Variants in CELF2 observed in about 807,000 individuals in gnomAD.
CELF2 encodes CUG triplet repeat RNA-binding protein 2.
In CELF2, 8 loss-of-function variants were observed where a neutral mutation model predicts 62.6. The ratio of observed to expected loss-of-function variants is 0.13; its 90% confidence interval spans 0.07 to 0.23. The LOEUF (loss-of-function observed/expected upper bound fraction) is 0.23, where lower values mean the gene tolerates loss of function less well. Among genes scored for constraint, CELF2 ranks in the 10% least tolerant of loss-of-function variants. The pLI is 1.00. For missense variants in CELF2, 333 were observed against 671.0 expected (o/e 0.50, Z 5.56); for synonymous variants, 258 against 250.0 (o/e 1.03, Z -0.30).
chr10:10,612,712 T>C, the CELF2 span, among the ~76,000 whole-genome samples: 1 of 152,196 alleles, frequency 6.6e-6, no homozygotes, highest in African/African-American at 2.4e-5. Context: ...CTTTGCTGTA[T>C]TCCTTCGGGA....
chr10:11,085,405 C>T (rs1233780812), intron 1 of CELF2, among the ~76,000 whole-genome samples: 6 of 152,078 alleles, frequency 3.9e-5, no homozygotes, highest in Non-Finnish European at 8.8e-5. Context: ...GATTTGAGCC[C>T]GTGTATTAGA....
chr10:11,251,161 A>AGTTCAG (rs1489921491), intron 4 of CELF2, among the ~76,000 whole-genome samples: 1 of 152,134 alleles, frequency 6.6e-6, no homozygotes. Flanking sequence ...AGTCTATGGA[A>AGTTCAG]AAGGGTTTGT....
chr10:10,490,813 A>G, the CELF2 span, among the ~76,000 whole-genome samples: 1 of 152,136 alleles, frequency 6.6e-6, no homozygotes, highest in Non-Finnish European at 1.5e-5. Context: ...AAAAAGGTTG[A>G]CCCAAATTGC....
intron 1 of CELF2, among the ~76,000 whole-genome samples, chr10:10,860,042 T>A (rs1396280455): frequency 2.6e-5 from 4 of 152,178 alleles, no homozygotes; most frequent in African/African-American, 4.8e-5. Context: ...CCATTACATG[T>A]TAAGGTATCT....
chr10:10,513,400 C>G, the CELF2 span, among the ~76,000 whole-genome samples: 4 of 152,084 alleles, frequency 2.6e-5, no homozygotes, highest in Non-Finnish European at 5.9e-5. Context: ...AGATTTCCTT[C>G]TTTGATTTTC....
At chr10:10,632,443 A>G in the CELF2 span, among the ~76,000 whole-genome samples, 1 of 151,236 alleles carries the variant, frequency 6.6e-6, no homozygotes, top group Non-Finnish European at 1.5e-5. Context: ...AGACACACGC[A>G]CACACACACA....
the CELF2 span, among the ~76,000 whole-genome samples, chr10:10,665,045 A>G: frequency 6.6e-6 from 1 of 152,304 alleles, no homozygotes; most frequent in Non-Finnish European, 1.5e-5. Context: ...TTAATCATGT[A>G]GTGTTGCCTT....
chr10:10,475,222 T>C, the CELF2 span, among the ~76,000 whole-genome samples: 2 of 152,032 alleles, frequency 1.3e-5, no homozygotes, highest in African/African-American at 4.8e-5. Context: ...AGGGCAGTTA[T>C]TACATCCTCG....
At chr10:11,049,825 C>A (rs373076448) in intron 1 of CELF2, among the ~76,000 whole-genome samples, 32 of 152,268 alleles carry the variant, frequency 2.1e-4, no homozygotes, top group African/African-American at 7.5e-4. Context: ...TTACAAAACA[C>A]ACCTTCACAG....
intron 1 of CELF2, among the ~76,000 whole-genome samples, chr10:10,913,881 AGGAAGAAG>A (rs1475962654): frequency 1.7e-5 from 2 of 115,406 alleles, no homozygotes; most frequent in East Asian, 6.0e-4. Flanking sequence ...GAAGGAAGGA[AGGAAGAAG>A]GAAGGGAGGG....
rs543126333 is a variant in CELF2, at chr10:11,270,859, C to T, written c.777+35C>T. The T allele has an allele frequency of 1.1e-5, 15 of 1,339,578 alleles. No homozygotes were observed. The East Asian group carries it at 1.9e-4, about 17-fold the overall frequency. The allele number at this position is 1,339,578 out of a possible 1,614,324, so 83.0% of individuals were successfully genotyped here. A position where few individuals can be genotyped will look rare whatever the true frequency, so the allele number is the denominator to read the frequency against. ...GGGCAATGCCGGCGTGGTCTTCACC[C>T]GCTGAAACTCTGCAAACTGACTTTT... On this transcript the variant is annotated intron_variant, in intron 7 of 12. Transcript: ENST00000633077. The surrounding 1 kb of genome is among the most constrained non-coding windows in gnomAD (Gnocchi z 5.8).
rs892678773 is a variant in CELF2, at chr10:11,214,066, T to G, written c.272-3359T>G. Among the ~76,000 whole-genome samples the G allele has an allele frequency of 6.6e-6, 1 of 152,092 alleles. No homozygotes were observed. The highest frequency in any genetic ancestry group is 2.4e-5 in the African/African-American group (1 of 41,402). On this transcript the variant is annotated intron_variant, in intron 2 of 12. Transcript: ENST00000633077. The surrounding 1 kb of genome is among the most constrained non-coding windows in gnomAD (Gnocchi z 4.2). Reference sequence around the variant, plus strand: ...TGGGAGGCCGAGGTGGGAGGACCACTTGAGGCCAGGAGTCCAAGACCAGCC... The same window carrying G: ...TGGGAGGCCGAGGTGGGAGGACCACGTGAGGCCAGGAGTCCAAGACCAGCC...
At chr10:10,781,440 C>T in the CELF2 span, among the ~76,000 whole-genome samples, 3 of 152,098 alleles carry the variant, frequency 2.0e-5, no homozygotes, top group Non-Finnish European at 2.9e-5. Flanking sequence ...GCTGGGGAGG[C>T]CTCACAATCT....
At chr10:11,031,964 G>A (rs1207196423) in intron 1 of CELF2, among the ~76,000 whole-genome samples, 1 of 151,884 alleles carries the variant, frequency 6.6e-6, no homozygotes, top group Non-Finnish European at 1.5e-5. Context: ...AATCACAGTG[G>A]CACCTCCTCA....
At chr10:10,469,992 A>C in the CELF2 span, among the ~76,000 whole-genome samples, 1 of 151,904 alleles carries the variant, frequency 6.6e-6, no homozygotes, top group Non-Finnish European at 1.5e-5. Flanking sequence ...CTTCTTGAGC[A>C]CCCAACATGA....
the CELF2 span, among the ~76,000 whole-genome samples, chr10:10,587,014 A>G: frequency 6.6e-6 from 1 of 152,172 alleles, no homozygotes; most frequent in Non-Finnish European, 1.5e-5. Context: ...GTTTCTGCAA[A>G]CAAAGTACAA....
In CELF2 at chr10:11,310,404, T is replaced by G. The variant is rs1229057217; in HGVS notation, c.977-3735T>G. Among the ~76,000 whole-genome samples the G allele has an allele frequency of 2.0e-5, 3 of 152,200 alleles. No homozygotes were observed. The East Asian group carries it at 5.8e-4, about 29-fold the overall frequency. The stretch of plus-strand genomic sequence containing the variant: ...AGCAGGTTGTGGGTTGTGGGTCACA[T>G]GCCACAGATTCTTGCTGCTCTTACT... On this transcript the variant is annotated intron_variant, in intron 9 of 12. Transcript: ENST00000633077.
At chr10:10,648,624 A>G in the CELF2 span, among the ~76,000 whole-genome samples, 5 of 152,134 alleles carry the variant, frequency 3.3e-5, no homozygotes, top group South Asian at 2.1e-4. Flanking sequence ...GTCATGATAG[A>G]TCGTGTTCTG....
intron 1 of CELF2, among the ~76,000 whole-genome samples, chr10:11,045,210 A>G (rs575560094): frequency 1.6e-4 from 24 of 152,258 alleles, no homozygotes; most frequent in African/African-American, 5.8e-4. Context: ...GTGCAGTGGC[A>G]TGATAATGGC....
Sources: allele counts gnomAD v4.1 joint callset (sites outside exome capture counted in the v4.1 genomes callset), GRCh38; gene constraint gnomAD v4.1.1; non-coding constraint Gnocchi (gnomAD v3.1); transcripts MANE v1.5; gene names NCBI Gene and HGNC (gene_info 2026-07-23, HGNC 2026-07-21).